CUL4A: variants seen among roughly 807,000 people sequenced by gnomAD.
The protein encoded by CUL4A is cullin 4A, also known as cullin-4A.
In CUL4A, 16 loss-of-function variants were observed where a neutral mutation model predicts 95.5. The observed-to-expected ratio is 0.17, with a 90% CI of 0.11 to 0.25. The LOEUF is 0.25. CUL4A is among the 10% of genes least tolerant of loss of function. The pLI is 1.00. For synonymous variants in CUL4A, 380 were observed against 353.1 expected, an observed-to-expected ratio of 1.08 and a Z score of -0.85; for missense variants, 610 against 937.0, an observed-to-expected ratio of 0.65 and a Z score of 4.56.
rs1027271337 is a variant in CUL4A, at chr13:113,209,970, C to T, written c.149-3C>T. On this transcript the variant is annotated splice_region_variant and splice_polypyrimidine_tract_variant and intron_variant, in intron 1 of 19. Transcript: ENST00000375440. ...AGCCGCCCGCTCTCCCTCCGCCCTG[C>T]AGACAGACCTCGGCTGCCCGACAAC... 1.0e-4 allele frequency: 155 copies of T among 1,504,164 alleles called. 1 individual carries two copies. Among genetic ancestry groups the T allele is most frequent in the Non-Finnish European group, 1.3e-4 (146 of 1,127,946 alleles). The allele number at this position is 1,504,164 out of a possible 1,614,324, so 93.2% of individuals were successfully genotyped here.
At chr13:113,233,772 GGTGGCC>G in intron 6 of CUL4A, 119 bp from the exon 7 acceptor site, 1 of 693,130 alleles carries the variant, frequency 1.4e-6, no homozygotes, top group Non-Finnish European at 2.6e-6. Flanking sequence ...CGGCCGGCTG[GGTGGCC>G]ACAGGCGCCT....
chr13:113,209,530 G>GCC, upstream of CUL4A: 1 of 678,304 alleles, frequency 1.5e-6, no homozygotes, highest in Non-Finnish European at 1.8e-6. Flanking sequence ...CGGGGCGCGC[G>GCC]AGGAGGACGG....
chr13:113,230,567 G>A (rs566063694), intron 5 of CUL4A, among the ~76,000 whole-genome samples: 6 of 152,146 alleles, frequency 3.9e-5, no homozygotes, highest in Non-Finnish European at 8.8e-5. Context: ...GAATGGAGAT[G>A]ATAAAAGTGA....
In CUL4A at chr13:113,235,112, A is replaced by G; in HGVS notation, c.815A>G (p.Asp272Gly). 1 of 1,613,632 alleles carries G rather than the reference A, an allele frequency of 6.2e-7. No homozygotes were observed. Among genetic ancestry groups the G allele is most frequent in the Non-Finnish European group, 8.5e-7 (1 of 1,179,562 alleles). Residue 272 changes from aspartate (D) to glycine (G), a missense_variant, in exon 8 of 20, where the codon GAC (aspartate) becomes GGC (glycine). Asp to Gly is a moderately conservative substitution (Grantham distance 94). Coordinates refer to ENST00000375440, the MANE Select transcript of CUL4A (RefSeq NM_001008895.4). Reference sequence around the variant, plus strand: ...AGTAAACGCTTAGAGGAAGAGGGAGACAGAGTAATCACTTACTTGGACCAC... The same window carrying G: ...AGTAAACGCTTAGAGGAAGAGGGAGGCAGAGTAATCACTTACTTGGACCAC... ...HVSKRLEEEG[D>G]RVITYLDHST...
At chr13:113,236,104 G>A (rs1002431352) in intron 8 of CUL4A, among the ~76,000 whole-genome samples, 1 of 152,074 alleles carries the variant, frequency 6.6e-6, no homozygotes, top group African/African-American at 2.4e-5. Flanking sequence ...AAAATGATAT[G>A]GTGTGCAGAA....
At chr13:113,212,940 A>G (rs886619478) in intron 2 of CUL4A, among the ~76,000 whole-genome samples, 27 of 152,198 alleles carry the variant, frequency 1.8e-4, no homozygotes, top group African/African-American at 6.0e-4. Flanking sequence ...TTGGCCCCCC[A>G]GCTTCATACA....
intron 4 of CUL4A, among the ~76,000 whole-genome samples, chr13:113,229,123 CAAAAAA>C (rs911540867): frequency 1.1e-4 from 17 of 151,316 alleles, no homozygotes; most frequent in Non-Finnish European, 2.1e-4. Flanking sequence ...CGTCTCAAGA[CAAAAAA>C]AAGAAAAATG....
intron 19 of CUL4A, among the ~76,000 whole-genome samples, chr13:113,261,656 A>G (rs1030411293): frequency 2.2e-4 from 33 of 151,796 alleles, no homozygotes; most frequent in Non-Finnish European, 2.4e-4. Flanking sequence ...GAGGTGAGCA[A>G]GAGTGGAGTG....
At chr13:113,257,772 T>C (rs2042167354) in intron 18 of CUL4A, among the ~76,000 whole-genome samples, 1 of 152,146 alleles carries the variant, frequency 6.6e-6, no homozygotes, top group Non-Finnish European at 1.5e-5. Flanking sequence ...TTAAAAAACA[T>C]TTATACTATG....
chr13:113,232,810 G>A (rs2041402688), intron 5 of CUL4A, among the ~76,000 whole-genome samples: 1 of 152,144 alleles, frequency 6.6e-6, no homozygotes, highest in African/African-American at 2.4e-5. Flanking sequence ...GGTGGCGGGA[G>A]GGGCAGGTGG....
chr13:113,234,955 T>C, intron 7 of CUL4A, 108 bp from the exon 8 acceptor site: 1 of 759,504 alleles, frequency 1.3e-6, no homozygotes, highest in East Asian at 2.7e-5. Flanking sequence ...CTTGAATATG[T>C]ATTCTGCTTT....
In CUL4A at chr13:113,245,991, C is replaced by T. The variant is rs1195871763; in HGVS notation, c.1566C>T (p.Asp522=). The change falls in exon 15 of 20, where the codon GAC becomes GAT. Residue 522 remains aspartate, a synonymous_variant. Coordinates refer to ENST00000375440, the MANE Select transcript of CUL4A (RefSeq NM_001008895.4). The part of the protein sequence containing the change: ...MQNQSDSGPI[D]LTVNILTMGY... The stretch of plus-strand genomic sequence containing the variant: ...ATCAGAGTGACTCAGGCCCTATAGA[C>T]CTCACAGTGAACATACTCACAATGG... 1.2e-6 allele frequency: 2 copies of T among 1,613,792 alleles called. No individual in the cohort carries two copies. The highest frequency in any genetic ancestry group is 1.7e-6 in the Non-Finnish European group (2 of 1,179,948).
At chr13:113,231,184 A>G (rs780567782) in intron 5 of CUL4A, among the ~76,000 whole-genome samples, 6 of 152,238 alleles carry the variant, frequency 3.9e-5, no homozygotes, top group Non-Finnish European at 8.8e-5. Flanking sequence ...CAAGTGGCTA[A>G]AAACCTGAAC....
At chr13:113,244,082 A>C (rs556125020) in intron 11 of CUL4A, 110 of 190,096 alleles carry the variant, frequency 5.8e-4, no homozygotes, top group Non-Finnish European at 8.2e-4. Flanking sequence ...AGAAATAGGC[A>C]CTCCAGCGTC....
In CUL4A at chr13:113,216,807, CG is replaced by C. The variant is rs199900857; in HGVS notation, c.265-2134del. Among the ~76,000 whole-genome samples the C allele has an allele frequency of 5.3e-3, 813 of 152,228 alleles. 4 individuals carry two copies. Among genetic ancestry groups the C allele is most frequent in the Middle Eastern group, 0.024 (7 of 294 alleles). ...TCCTGCCAGCAAGGAGTTGGCAGGG[CG>C]GGGAGAAACAAAGGCTGTCGCCTTT... On this transcript the variant is annotated intron_variant, in intron 2 of 19. Transcript: ENST00000375440.
In CUL4A at chr13:113,263,651, C is replaced by A; in HGVS notation, c.*69C>A. 1 of 995,228 alleles carries A rather than the reference C, an allele frequency of 1.0e-6. No homozygotes were observed. The highest frequency in any genetic ancestry group is 1.5e-6 in the Non-Finnish European group (1 of 663,854). 61.6% of individuals were successfully genotyped at this position (995,228 alleles called of 1,614,324 possible). A position where few individuals can be genotyped will look rare whatever the true frequency, so the allele number is the denominator to read the frequency against. On this transcript the variant is annotated 3_prime_UTR_variant, in exon 20 of 20. Transcript: ENST00000375440. The stretch of plus-strand genomic sequence containing the variant: ...CCTCAGAGCAGGAAGCACACCTGTG[C>A]CATTTCTGGGACTCTGATTGATCCA...
At chr13:113,245,860 A>G in intron 14 of CUL4A, 96 bp from the exon 15 acceptor site, 1 of 939,420 alleles carries the variant, frequency 1.1e-6, no homozygotes, top group Non-Finnish European at 1.6e-6. Context: ...AACACAGATG[A>G]AACTTTATAT....
intron 3 of CUL4A, among the ~76,000 whole-genome samples, chr13:113,224,152 A>G (rs1221076461): frequency 6.6e-6 from 1 of 152,200 alleles, no homozygotes; most frequent in African/African-American, 2.4e-5. Flanking sequence ...GGAGATCGAG[A>G]CCATCCTGGC....
intron 16 of CUL4A, among the ~76,000 whole-genome samples, 163 bp downstream of exon 16, chr13:113,253,358 CAAT>C (rs2042042280): frequency 6.6e-6 from 1 of 151,666 alleles, no homozygotes; most frequent in Admixed American, 6.6e-5. Flanking sequence ...TTATTCCAAT[CAAT>C]AAAAATTCTT....
Sources: gnomAD v4.1 joint callset for allele counts (sites outside exome capture counted in the v4.1 genomes callset) on GRCh38, gnomAD v4.1.1 for gene constraint, MANE v1.5 for transcripts, NCBI Gene and HGNC (gene_info 2026-07-23, HGNC 2026-07-21) for gene names.